Variants in MAGI2 observed in about 807,000 individuals in gnomAD.
The protein encoded by MAGI2 is membrane associated guanylate kinase, WW and PDZ domain containing 2.
A neutral mutation model predicts 133.3 loss-of-function variants in MAGI2; 35 were observed. That is an observed-to-expected ratio of 0.26 (90% CI 0.20 to 0.35). MAGI2 has a LOEUF of 0.35. Among genes scored for constraint, MAGI2 ranks in the 10% least tolerant of loss-of-function variants. MAGI2 has a pLI of 1.00. For missense variants in MAGI2, 1,636 were observed against 1,863.4 expected (o/e 0.88, Z 2.25); for synonymous variants, 729 against 710.6 (o/e 1.03, Z -0.41).
intron 1 of MAGI2, among the ~76,000 whole-genome samples, chr7:79,201,230 T>C (rs1828585027): frequency 6.6e-6 from 1 of 152,036 alleles, no homozygotes; most frequent in Non-Finnish European, 1.5e-5. Context: ...AATGTGATGA[T>C]ATTGAAGGTA....
chr7:78,629,172 T>G (rs1168147424), intron 2 of MAGI2, among the ~76,000 whole-genome samples: 2 of 152,158 alleles, frequency 1.3e-5, no homozygotes, highest in African/African-American at 4.8e-5. Flanking sequence ...GTACTTTCGG[T>G]TCACTAAGTG....
At chr7:78,302,617 C>G (rs1227686211) in intron 9 of MAGI2, among the ~76,000 whole-genome samples, 1 of 152,190 alleles carries the variant, frequency 6.6e-6, no homozygotes, top group African/African-American at 2.4e-5. Flanking sequence ...TGCCATCCAT[C>G]CATCCACTCC....
chr7:78,138,676 C>A (rs1241073398), intron 16 of MAGI2, among the ~76,000 whole-genome samples: 2 of 142,824 alleles, frequency 1.4e-5, no homozygotes, highest in Admixed American at 7.0e-5. Context: ...CACACACACA[C>A]AATTTGTATG....
At chr7:78,370,724 A>T (rs993549336) in intron 6 of MAGI2, among the ~76,000 whole-genome samples, 1 of 151,948 alleles carries the variant, frequency 6.6e-6, no homozygotes, top group Non-Finnish European at 1.5e-5. Flanking sequence ...TTTTAGGAAC[A>T]TATATGTTTT....
intron 2 of MAGI2, among the ~76,000 whole-genome samples, chr7:78,696,912 A>G (rs1049302381): frequency 2.0e-5 from 3 of 152,218 alleles, no homozygotes; most frequent in Admixed American, 6.5e-5. Flanking sequence ...AGAACACTCC[A>G]GTTCTAGAGA....
At chr7:78,568,534 T>C (rs1383578306) in intron 3 of MAGI2, among the ~76,000 whole-genome samples, 1 of 152,226 alleles carries the variant, frequency 6.6e-6, no homozygotes, top group Non-Finnish European at 1.5e-5. Flanking sequence ...TATTTTCTTT[T>C]GCTTACACCT....
chr7:78,632,798 G>C (rs182683219), intron 2 of MAGI2, among the ~76,000 whole-genome samples: 37 of 152,262 alleles, frequency 2.4e-4, no homozygotes, highest in East Asian at 1.9e-3. Context: ...TGTTATTAGA[G>C]TGTAAATTAG....
At chr7:78,552,176 C>CTTTTTTTTTTT (rs869196799) in intron 3 of MAGI2, among the ~76,000 whole-genome samples, 3 of 90,334 alleles carry the variant, frequency 3.3e-5, no homozygotes, top group Admixed American at 1.4e-4. Context: ...ATTTGTTTTC[C>CTTTTTTTTTTT]TTTTTTTTTT....
intron 1 of MAGI2, among the ~76,000 whole-genome samples, chr7:79,188,258 G>T (rs986080629): frequency 2.6e-5 from 4 of 151,464 alleles, no homozygotes; most frequent in Non-Finnish European, 5.9e-5. Flanking sequence ...AATTTTCCTG[G>T]TGCTCTCCCT....
chr7:78,737,535 C>T (rs1021106262), intron 2 of MAGI2, among the ~76,000 whole-genome samples: 4 of 152,162 alleles, frequency 2.6e-5, no homozygotes, highest in African/African-American at 7.2e-5. Context: ...CCTTCCTTTT[C>T]CAACTGCATA....
At chr7:78,508,943 G>T (rs1452824799) in intron 4 of MAGI2, among the ~76,000 whole-genome samples, 1 of 150,826 alleles carries the variant, frequency 6.6e-6, no homozygotes, top group Non-Finnish European at 1.5e-5. Flanking sequence ...GGGTGCAGTG[G>T]CGATCTTGGC....
At chr7:78,895,333 A>C (rs1167715907) in intron 2 of MAGI2, among the ~76,000 whole-genome samples, 1 of 152,126 alleles carries the variant, frequency 6.6e-6, no homozygotes, top group Non-Finnish European at 1.5e-5. Context: ...GTTAGAAACA[A>C]ATTTTTTTTC....
At chr7:78,731,651 A>G (rs778880938) in intron 2 of MAGI2, among the ~76,000 whole-genome samples, 77 of 152,160 alleles carry the variant, frequency 5.1e-4, no homozygotes, top group Admixed American at 5.2e-4. Flanking sequence ...CTTTCTTACT[A>G]AAGAATGTAC....
intron 7 of MAGI2, among the ~76,000 whole-genome samples, chr7:78,346,366 T>C (rs1041442019): frequency 3.3e-5 from 5 of 152,170 alleles, no homozygotes; most frequent in Non-Finnish European, 5.9e-5. Flanking sequence ...TGAAACTAAG[T>C]GGTCAAGAAA....
At chr7:78,315,260 A>G (rs1323204509) in intron 9 of MAGI2, among the ~76,000 whole-genome samples, 1 of 152,180 alleles carries the variant, frequency 6.6e-6, no homozygotes, top group East Asian at 1.9e-4. Flanking sequence ...AGTGAGAGAC[A>G]TCACTTGGGC....
At chr7:78,023,688 C>A (rs540342015) in intron 21 of MAGI2, among the ~76,000 whole-genome samples, 2 of 152,200 alleles carry the variant, frequency 1.3e-5, no homozygotes, top group Non-Finnish European at 2.9e-5. Context: ...CCACCACTAC[C>A]CTGGTGAAAC....
intron 1 of MAGI2, among the ~76,000 whole-genome samples, chr7:79,247,722 G>T (rs531925386): frequency 2.0e-4 from 30 of 152,230 alleles, no homozygotes; most frequent in African/African-American, 7.2e-4. Flanking sequence ...GTGGGAGAAA[G>T]TTACAGTGTA....
intron 2 of MAGI2, among the ~76,000 whole-genome samples, chr7:78,691,477 T>G (rs1816947938): frequency 6.6e-6 from 1 of 152,164 alleles, no homozygotes; most frequent in Non-Finnish European, 1.5e-5. Flanking sequence ...CTTAGATGAA[T>G]TAAAACAGGC....
intron 6 of MAGI2, among the ~76,000 whole-genome samples, chr7:78,427,215 C>T (rs1395815975): frequency 6.6e-6 from 1 of 151,696 alleles, no homozygotes; most frequent in East Asian, 1.9e-4. Flanking sequence ...GGAAGAATAA[C>T]AAAATAAGAG....
Sources: allele counts gnomAD v4.1 joint callset (sites outside exome capture counted in the v4.1 genomes callset), GRCh38; gene constraint gnomAD v4.1.1; transcripts MANE v1.5; gene names NCBI Gene and HGNC (gene_info 2026-07-23, HGNC 2026-07-21).